PARD3: variants seen among roughly 807,000 people sequenced by gnomAD.
PARD3 encodes the protein par-3 family cell polarity regulator.
Under a neutral mutation model 155.4 loss-of-function variants are expected in PARD3, and 75 were observed. That is an observed-to-expected ratio of 0.48 (90% CI 0.40 to 0.58). The LOEUF (loss-of-function observed/expected upper bound fraction) is 0.58. Ranked by LOEUF, PARD3 falls within the 20% of genes least tolerant of loss-of-function variation. The pLI, the probability that PARD3 is intolerant of heterozygous loss-of-function variation, is 0.00. For synonymous variants in PARD3, 576 were observed against 610.5 expected (o/e 0.94, Z 0.83); for missense variants, 1,642 against 1,721.7 (o/e 0.95, Z 0.82).
intron 1 of PARD3, among the ~76,000 whole-genome samples, chr10:34,742,351 T>C (rs977085339): frequency 2.0e-5 from 3 of 152,110 alleles, no homozygotes; most frequent in Non-Finnish European, 4.4e-5. Flanking sequence ...ACAAAAGAGA[T>C]TGTTCAGCTA....
chr10:34,263,365 G>A (rs1036767250), intron 22 of PARD3, among the ~76,000 whole-genome samples: 2 of 152,088 alleles, frequency 1.3e-5, no homozygotes, highest in Admixed American at 1.3e-4. Flanking sequence ...GATGGCAGAA[G>A]AGCCCAGGAA....
In PARD3 at chr10:34,401,808, AAAC is replaced by A. The variant is rs1177116400; in HGVS notation, c.806+15_806+17del. On this transcript the variant is annotated intron_variant, in intron 6 of 24. Transcript: ENST00000374788. ...TACATGTATACTGCAAACTTAGTTG[AAAC>A]CATCAGTAACTTACTCCAGAGAAAA... is the stretch of plus-strand genomic sequence containing the variant. 11 of 1,535,318 alleles carry A rather than the reference AAAC, an allele frequency of 7.2e-6. No homozygotes were observed. The highest frequency in any genetic ancestry group is 9.0e-6 in the Non-Finnish European group (10 of 1,108,346).
chr10:34,244,933 C>T (rs1465381201), intron 22 of PARD3, among the ~76,000 whole-genome samples: 1 of 152,136 alleles, frequency 6.6e-6, no homozygotes, highest in African/African-American at 2.4e-5. Flanking sequence ...TTGCCTTGTA[C>T]ACAGTGACCC....
At chr10:34,761,459 T>A (rs533080406) in intron 1 of PARD3, among the ~76,000 whole-genome samples, 3 of 152,210 alleles carry the variant, frequency 2.0e-5, no homozygotes, top group Admixed American at 2.0e-4. Context: ...ATAAAAAAAA[T>A]TATACACATA....
intron 9 of PARD3, among the ~76,000 whole-genome samples, chr10:34,379,074 T>C (rs1472649873): frequency 6.6e-6 from 1 of 152,138 alleles, no homozygotes; most frequent in East Asian, 1.9e-4. Context: ...TCTTAAGATA[T>C]TAGTTTCCAT....
At chr10:34,334,752 A>C (rs893088210) in intron 18 of PARD3, among the ~76,000 whole-genome samples, 11 of 147,946 alleles carry the variant, frequency 7.4e-5, no homozygotes, top group Non-Finnish European at 1.2e-4. Flanking sequence ...AAAAAAAAAA[A>C]GTTCTTTTTC....
chr10:34,266,293 G>A (rs1480491039), intron 22 of PARD3, among the ~76,000 whole-genome samples: 4 of 151,658 alleles, frequency 2.6e-5, no homozygotes, highest in African/African-American at 7.3e-5. Flanking sequence ...CTTTCTCTTT[G>A]ACAAGAACAG....
At chr10:34,117,503 A>G (rs1300018392) in intron 24 of PARD3, among the ~76,000 whole-genome samples, 1 of 152,266 alleles carries the variant, frequency 6.6e-6, no homozygotes, top group African/African-American at 2.4e-5. Flanking sequence ...ACCAACCTTG[A>G]TGTCTAATTC....
intron 1 of PARD3, among the ~76,000 whole-genome samples, chr10:34,712,159 T>C (rs2094457850): frequency 6.6e-6 from 1 of 152,192 alleles, no homozygotes; most frequent in Admixed American, 6.6e-5. Context: ...CTAGTCCCGA[T>C]GGATCTAAGA....
intron 2 of PARD3, among the ~76,000 whole-genome samples, chr10:34,691,853 C>A (rs2094068302): frequency 1.3e-5 from 2 of 152,210 alleles, no homozygotes; most frequent in South Asian, 4.1e-4. Context: ...GGAAAGAACA[C>A]CCCATTCAAT....
rs1836873309 is a variant in PARD3, at chr10:34,341,920, C to T, written c.2219-104G>A. ...ATATTAGTAAAAGTCTAATTTTCCA[C>T]ATATCTGCTCAACCTGGTAGAACAA... On this transcript the variant is annotated intron_variant, in intron 15 of 24. Coordinates refer to ENST00000374788, the MANE Select transcript of PARD3 (RefSeq NM_001184785.2). 8 of 654,342 alleles carry T rather than the reference C, an allele frequency of 1.2e-5. No homozygotes were observed. In the South Asian group the frequency reaches 1.3e-4, roughly 10 times the overall value. The allele number at this position is 654,342 out of a possible 1,614,324, so 40.5% of individuals were successfully genotyped here. A position where few individuals can be genotyped will look rare whatever the true frequency, so the allele number is the denominator to read the frequency against.
chr10:34,279,763 C>T (rs760380420), intron 21 of PARD3, among the ~76,000 whole-genome samples: 14 of 151,996 alleles, frequency 9.2e-5, no homozygotes, highest in Non-Finnish European at 1.8e-4. Context: ...TGGGGAGTAT[C>T]CCACTGAAGG....
At chr10:34,229,514 G>C (rs11592463) in intron 22 of PARD3, among the ~76,000 whole-genome samples, 2 of 151,914 alleles carry the variant, frequency 1.3e-5, no homozygotes, top group African/African-American at 4.8e-5. Flanking sequence ...CTCCCAAAGC[G>C]CTAGGATTAC....
intron 14 of PARD3, among the ~76,000 whole-genome samples, chr10:34,356,389 A>C (rs1027751389): frequency 6.6e-6 from 1 of 152,188 alleles, no homozygotes; most frequent in Non-Finnish European, 1.5e-5. Context: ...AAAATAAAGA[A>C]GACATATTAA....
At chr10:34,647,322 G>A (rs1050187643) in intron 2 of PARD3, among the ~76,000 whole-genome samples, 6 of 152,170 alleles carry the variant, frequency 3.9e-5, no homozygotes, top group African/African-American at 1.4e-4. Flanking sequence ...ACCGCACACA[G>A]TAGTATGTAC....
intron 1 of PARD3, among the ~76,000 whole-genome samples, chr10:34,750,229 A>C (rs1442689696): frequency 6.6e-6 from 1 of 152,172 alleles, no homozygotes; most frequent in Non-Finnish European, 1.5e-5. Flanking sequence ...GTACCTTTTT[A>C]GAATTAAAAC....
intron 20 of PARD3, among the ~76,000 whole-genome samples, chr10:34,292,531 C>T (rs1159688622): frequency 6.6e-6 from 1 of 152,116 alleles, no homozygotes; most frequent in Non-Finnish European, 1.5e-5. Flanking sequence ...AACTTGATAG[C>T]GCTTTTGTAA....
At chr10:34,299,100 T>C (rs1431222388) in intron 20 of PARD3, among the ~76,000 whole-genome samples, 2 of 152,200 alleles carry the variant, frequency 1.3e-5, no homozygotes, top group African/African-American at 2.4e-5. Context: ...TTCAGTCTTA[T>C]AGTCCCCAAC....
chr10:34,336,293 C>T lies in PARD3; in HGVS notation c.2561-50G>A, dbSNP rs765387957. 15 of 1,371,520 alleles carry T rather than the reference C, an allele frequency of 1.1e-5. No individual in the cohort carries two copies. The Admixed American group carries it at 1.9e-4, about 18-fold the overall frequency. 85.0% of individuals were successfully genotyped at this position (1,371,520 alleles called of 1,614,324 possible). On this transcript the variant is annotated intron_variant, in intron 17 of 24. Coordinates refer to ENST00000374788, the MANE Select transcript of PARD3 (RefSeq NM_001184785.2). ...GTTAGCCCAGTTAGTTCCCATAGCC[C>T]ACCATGCTTCCACCATTCCCAGATC...
Sources: gnomAD v4.1 joint callset for allele counts (sites outside exome capture counted in the v4.1 genomes callset) on GRCh38, gnomAD v4.1.1 for gene constraint, MANE v1.5 for transcripts, NCBI Gene and HGNC (gene_info 2026-07-23, HGNC 2026-07-21) for gene names.